The following PCDHGA2 variants were observed in gnomAD, a reference collection of about 807,000 sequenced individuals.
The protein encoded by PCDHGA2 is protocadherin gamma-A2.
PCDHGA2 carries 40 observed loss-of-function variants against 59.2 expected under a neutral mutation model. The observed-to-expected ratio is 0.68, with a 90% confidence interval of 0.52 to 0.88. PCDHGA2 has a LOEUF of 0.88. Ranked by LOEUF, PCDHGA2 falls within the 40% of genes least tolerant of loss-of-function variation. PCDHGA2 has a pLI of 0.00. For missense variants in PCDHGA2, 1,226 were observed against 1,204.0 expected (o/e 1.02, Z -0.27); for synonymous variants, 560 against 526.0 (o/e 1.06, Z -0.89).
In PCDHGA2 at chr5:141,491,365, T is replaced by A. The variant is rs201011046; in HGVS notation, c.2425-3442T>A. ...CGTCAGTCTCTTATCCCTAGTCACC[T>A]TCACCTTTCTGTCAGCGAAGTGCCT... On this transcript the variant is annotated intron_variant, in intron 1 of 3. Transcript: ENST00000394576. This position sits in a 1 kb window ranked among gnomAD's most constrained non-coding sequence, Gnocchi z 6.9. 1.7e-5 allele frequency: 27 copies of A among 1,614,016 alleles called. No individual in the cohort carries two copies. The highest frequency in any genetic ancestry group is 2.0e-5 in the Non-Finnish European group (24 of 1,179,982).
At chr5:141,481,210 G>A (rs1351826116) in intron 1 of PCDHGA2, among the ~76,000 whole-genome samples, 2 of 152,128 alleles carry the variant, frequency 1.3e-5, no homozygotes, top group Admixed American at 1.3e-4. Context: ...TAAAAAACAT[G>A]GTAAGGTCTC....
intron 1 of PCDHGA2, among the ~76,000 whole-genome samples, chr5:141,429,387 T>TA (rs11410533): frequency 0.01 from 1,566 of 151,436 alleles, 8 homozygotes; most frequent in Middle Eastern, 0.031. Flanking sequence ...GTTTTTTTTT[T>TA]AAAAAAAATT....
intron 1 of PCDHGA2, chr5:141,384,761 TG>T (rs747704737): frequency 9.3e-6 from 15 of 1,613,968 alleles, no homozygotes; most frequent in Non-Finnish European, 1.3e-5. Flanking sequence ...GCGGTTGGGC[TG>T]TACACGGGCG....
At chr5:141,409,531 T>C (rs2095279232) in intron 1 of PCDHGA2, 1 of 1,613,870 alleles carries the variant, frequency 6.2e-7, no homozygotes, top group Non-Finnish European at 8.5e-7. Context: ...TGTATGTCGC[T>C]GACATCAACG....
At chr5:141,461,951 G>C (rs1419637040) in intron 1 of PCDHGA2, among the ~76,000 whole-genome samples, 1 of 152,186 alleles carries the variant, frequency 6.6e-6, no homozygotes, top group African/African-American at 2.4e-5. Context: ...AACCTCCTGA[G>C]TAGCTGGGAT....
chr5:141,421,433 C>A lies in PCDHGA2; in HGVS notation c.2425-73374C>A, dbSNP rs772564300. 5 of 1,614,074 alleles carry A rather than the reference C, an allele frequency of 3.1e-6. No homozygotes were observed. In the African/African-American group the frequency reaches 4.0e-5, roughly 13 times the overall value. On this transcript the variant is annotated intron_variant, in intron 1 of 3. Coordinates refer to ENST00000394576, the MANE Select transcript of PCDHGA2 (RefSeq NM_018915.4). ...GCGAAGCGCGGAGTCCGCATCGTCTCCAGAGGGAAGACACAGCTTTTCGCT... is the reference window on the plus strand; with the variant it reads ...GCGAAGCGCGGAGTCCGCATCGTCTACAGAGGGAAGACACAGCTTTTCGCT...
chr5:141,413,490 G>T (rs1255775347), intron 1 of PCDHGA2: 2 of 1,614,070 alleles, frequency 1.2e-6, no homozygotes, highest in Admixed American at 3.3e-5. Flanking sequence ...AGAGCGCGCG[G>T]TGCGTGGTGA....
chr5:141,344,015 G>A (rs758846565), intron 1 of PCDHGA2: 1 of 1,514,564 alleles, frequency 6.6e-7, no homozygotes, highest in Admixed American at 2.3e-5. Context: ...TTCAGAGAAA[G>A]CGATTCACCG....
At chr5:141,364,229 C>T in intron 1 of PCDHGA2, 1 of 1,388,080 alleles carries the variant, frequency 7.2e-7, no homozygotes, top group Non-Finnish European at 9.6e-7. Context: ...GCCAACGCTC[C>T]ACGCCCATTT....
chr5:141,395,407 G>A (rs1467176036), intron 1 of PCDHGA2: 1 of 826,654 alleles, frequency 1.2e-6, no homozygotes, highest in Non-Finnish European at 1.8e-6. Context: ...ATAGTCATAG[G>A]TTATTGTTTC....
At chr5:141,349,179 G>T (rs1588475896) in intron 1 of PCDHGA2, among the ~76,000 whole-genome samples, 1 of 152,044 alleles carries the variant, frequency 6.6e-6, no homozygotes. Flanking sequence ...AAGTGATTCT[G>T]CTGCCTCAAC....
At position 141,389,081 on chromosome 5, in the gene PCDHGA2, G is replaced by A. The variant is rs371979686; in HGVS notation, c.2424+47686G>A. On this transcript the variant is annotated intron_variant, in intron 1 of 3. Transcript: ENST00000394576. Reference sequence around the variant, plus strand: ...AAATATTAACTTCTTCAAGAAACACGTATAAATTAGTGACAGATGCTGTTC... The same window carrying A: ...AAATATTAACTTCTTCAAGAAACACATATAAATTAGTGACAGATGCTGTTC... 1.5e-5 allele frequency: 24 copies of A among 1,613,978 alleles called. No homozygotes were observed. In the South Asian group the frequency reaches 2.0e-4, roughly 13 times the overall value.
chr5:141,386,917 T>C (rs535277219), intron 1 of PCDHGA2, among the ~76,000 whole-genome samples: 1 of 152,302 alleles, frequency 6.6e-6, no homozygotes, highest in Non-Finnish European at 1.5e-5. Flanking sequence ...CCAAGGAATG[T>C]AAAATAAGTG....
At chr5:141,389,311 A>C in intron 1 of PCDHGA2, 2 of 1,613,988 alleles carry the variant, frequency 1.2e-6, no homozygotes, top group Non-Finnish European at 1.7e-6. Context: ...AGGGCTTCTG[A>C]TCCGGACTTG....
intron 1 of PCDHGA2, chr5:141,430,984 C>A (rs765063685): frequency 6.2e-7 from 1 of 1,613,648 alleles, no homozygotes; most frequent in South Asian, 1.1e-5. Flanking sequence ...CGCAGCTTTT[C>A]GCCCTGAATC....
chr5:141,392,783 G>T, intron 1 of PCDHGA2: 1 of 1,542,922 alleles, frequency 6.5e-7, no homozygotes, highest in Admixed American at 2.1e-5. Flanking sequence ...GCACAGTGAA[G>T]ATTCTGAGAG....
At chr5:141,426,231 C>A in intron 1 of PCDHGA2, 1 of 158,042 alleles carries the variant, frequency 6.3e-6, no homozygotes, top group Non-Finnish European at 1.4e-5. Flanking sequence ...ATTTTAAAAG[C>A]ACTTTGTGAA....
chr5:141,486,091 G>T lies in PCDHGA2; in HGVS notation c.2425-8716G>T. ...CTACTGGAAAGCTTACTCTTTTGGG[G>T]CCCCTAGACTTTGAGAGTGAGAATT... On this transcript the variant is annotated intron_variant, in intron 1 of 3. Coordinates refer to ENST00000394576, the MANE Select transcript of PCDHGA2 (RefSeq NM_018915.4). This position sits in a 1 kb window ranked among gnomAD's most constrained non-coding sequence, Gnocchi z 5.0. 1 of 1,614,158 alleles carries T rather than the reference G, an allele frequency of 6.2e-7. No homozygotes were observed. Among genetic ancestry groups the T allele is most frequent in the South Asian group, 1.1e-5 (1 of 91,078 alleles).
Position 141,423,519 on chromosome 5 carries a change from G to A in PCDHGA2, c.2425-71288G>A, listed in dbSNP as rs758742300. On this transcript the variant is annotated intron_variant, in intron 1 of 3. Coordinates refer to ENST00000394576, the MANE Select transcript of PCDHGA2 (RefSeq NM_018915.4). ...ACGAGGTCTCTCTCATTGCGGACTC[G>A]CAGAAGAGTCACCTGATTTTCCCCC... 8.1e-6 allele frequency: 13 copies of A among 1,613,752 alleles called. 1 individual carries two copies. In the South Asian group the frequency reaches 1.1e-4, roughly 14 times the overall value.
Sources: allele counts gnomAD v4.1 joint callset (sites outside exome capture counted in the v4.1 genomes callset), GRCh38; gene constraint gnomAD v4.1.1; non-coding constraint Gnocchi (gnomAD v3.1); transcripts MANE v1.5; gene names NCBI Gene and HGNC (gene_info 2026-07-23, HGNC 2026-07-21).